The following IL10RB variants were observed in gnomAD, a reference collection of about 807,000 sequenced individuals.
IL10RB encodes interleukin 10 receptor subunit beta.
A neutral mutation model predicts 38.7 loss-of-function variants in IL10RB; 30 were observed. That is an observed-to-expected ratio of 0.78 (90% CI 0.58 to 1.05). The LOEUF is 1.05. Among genes scored for constraint, IL10RB ranks in the 50% least tolerant of loss-of-function variants. The pLI is 0.00. For synonymous variants in IL10RB, 142 were observed against 145.9 expected, an observed-to-expected ratio of 0.97 and a Z score of 0.19; for missense variants, 328 against 397.1, an observed-to-expected ratio of 0.83 and a Z score of 1.48.
At chr21:33,276,802 G>GT (rs1238222757) in intron 3 of IL10RB, 49 bp downstream of exon 3, 29 of 1,550,968 alleles carry the variant, frequency 1.9e-5, no homozygotes, top group Non-Finnish European at 2.4e-5. Flanking sequence ...ATCTTGCCTT[G>GT]TTTTTTTCCA....
chr21:33,268,003 C>G, intron 1 of IL10RB: 1 of 339,446 alleles, frequency 2.9e-6, no homozygotes. Flanking sequence ...GAGCTCCAAT[C>G]GGGGCACCAG....
downstream of IL10RB, among the ~76,000 whole-genome samples, chr21:33,301,332 T>C (rs972929606): frequency 1.3e-5 from 2 of 152,216 alleles, no homozygotes; most frequent in Non-Finnish European, 2.9e-5. Context: ...CACCAAACAA[T>C]GTCTTTGTTT....
intron 1 of IL10RB, chr21:33,308,129 G>A (rs2123617496): frequency 6.6e-6 from 1 of 152,282 alleles, no homozygotes; most frequent in South Asian, 2.1e-4. Flanking sequence ...CAGAAATTAT[G>A]TATACATATA....
chr21:33,266,908 C>A (rs1455699056), intron 1 of IL10RB, among the ~76,000 whole-genome samples: 1 of 152,138 alleles, frequency 6.6e-6, no homozygotes, highest in African/African-American at 2.4e-5. Flanking sequence ...AGGCCCCCAC[C>A]AGTCCCCGAG....
intron 2 of IL10RB, among the ~76,000 whole-genome samples, chr21:33,268,800 T>C (rs1291896708): frequency 6.6e-6 from 1 of 152,206 alleles, no homozygotes; most frequent in East Asian, 1.9e-4. Context: ...TAATCAGCCA[T>C]AGTGGTAACC....
intron 1 of IL10RB, chr21:33,308,587 T>C (rs1422625977): frequency 6.6e-6 from 1 of 152,162 alleles, no homozygotes; most frequent in African/African-American, 2.4e-5. Flanking sequence ...GTAGATACAA[T>C]ATAATCACAT....
At chr21:33,297,768 A>G (rs2082973826), downstream of IL10RB, among the ~76,000 whole-genome samples, 1 of 152,064 alleles carries the variant, frequency 6.6e-6, no homozygotes, top group Non-Finnish European at 1.5e-5. Flanking sequence ...AGCTATGTTC[A>G]TGCCATTGCC....
chr21:33,279,400 A>T (rs1400906591), intron 3 of IL10RB, among the ~76,000 whole-genome samples: 1 of 152,156 alleles, frequency 6.6e-6, no homozygotes, highest in Non-Finnish European at 1.5e-5. Flanking sequence ...AATTCAAGCC[A>T]ACAAAAAGCA....
At chr21:33,289,235 C>A (rs767425066) in intron 6 of IL10RB, among the ~76,000 whole-genome samples, 6 of 152,220 alleles carry the variant, frequency 3.9e-5, no homozygotes, top group African/African-American at 7.2e-5. Context: ...GCACGAGTGC[C>A]TCATTCCTGA....
chr21:33,279,840 C>A lies in IL10RB; in HGVS notation c.420C>A (p.Tyr140Ter). The change falls in exon 4 of 7, where the codon TAC becomes TAA. Residue 140 changes from tyrosine to a stop codon, truncating the protein, a stop_gained. Transcript: ENST00000290200. LOFTEE classifies it high-confidence loss of function. ...TAGCCCCTAAAATTGAGAATGAATACGAAACTTGGACTATGAAGAATGTGT... is the reference window on the plus strand; with the variant it reads ...TAGCCCCTAAAATTGAGAATGAATAAGAAACTTGGACTATGAAGAATGTGT... ...RFLAPKIENE[Y>*]ETWTMKNVYN... is the part of the protein sequence containing the mutation. 1.9e-6 allele frequency: 3 copies of A among 1,612,910 alleles called. No individual in the cohort carries two copies. Among genetic ancestry groups the A allele is most frequent in the African/African-American group, 1.3e-5 (1 of 74,982 alleles).
chr21:33,279,939 T>C, intron 4 of IL10RB, 21 bp downstream of exon 4: 1 of 1,607,200 alleles, frequency 6.2e-7, no homozygotes, highest in Middle Eastern at 1.7e-4. Context: ...CTAATTGCAT[T>C]TCAGAGGTAG....
downstream of IL10RB, among the ~76,000 whole-genome samples, chr21:33,300,302 G>C (rs9976879): frequency 0.39 from 58,445 of 151,694 alleles, 11,382 homozygotes; most frequent in Middle Eastern, 0.48. Flanking sequence ...TTAGCCAGGC[G>C]TGGTGGCAGG....
chr21:33,296,034 ACT>A (rs1225863581), intron 6 of IL10RB, 148 bp from the exon 7 acceptor site: 19 of 425,206 alleles, frequency 4.5e-5, no homozygotes, highest in Non-Finnish European at 7.1e-5. Context: ...ACAGAGCAAG[ACT>A]CTGTCTCAAA....
intron 5 of IL10RB, among the ~76,000 whole-genome samples, chr21:33,287,556 G>A (rs1350586782): frequency 1.3e-5 from 2 of 151,976 alleles, no homozygotes; most frequent in Non-Finnish European, 1.5e-5. Context: ...TTGTAGAGAA[G>A]GGGTCTCACT....
intron 6 of IL10RB, 123 bp downstream of exon 6, chr21:33,288,384 C>A: frequency 3.7e-6 from 2 of 545,166 alleles, no homozygotes; most frequent in Non-Finnish European, 3.3e-6. Flanking sequence ...CGCGCGCGCA[C>A]ACACACACAC....
At chr21:33,275,211 A>G (rs1475435165) in intron 2 of IL10RB, among the ~76,000 whole-genome samples, 1 of 144,208 alleles carries the variant, frequency 6.9e-6, no homozygotes, top group African/African-American at 2.6e-5. Context: ...GCTGGAATAC[A>G]GTGACACAAT....
chr21:33,270,407 G>A (rs550572709), intron 2 of IL10RB, among the ~76,000 whole-genome samples: 2 of 150,860 alleles, frequency 1.3e-5, no homozygotes, highest in South Asian at 4.2e-4. Context: ...TTGAGACGGA[G>A]TCTCGCTCTG....
intron 6 of IL10RB, 112 bp downstream of exon 6, chr21:33,288,373 G>A (rs974322853): frequency 1.1e-4 from 29 of 255,030 alleles, no homozygotes; most frequent in African/African-American, 2.0e-4. Flanking sequence ...AAACACACAC[G>A]CGCGCGCGCA....
intron 4 of IL10RB, among the ~76,000 whole-genome samples, chr21:33,280,252 CCT>C (rs1368465869): frequency 2.0e-5 from 3 of 152,180 alleles, no homozygotes; most frequent in African/African-American, 7.2e-5. Flanking sequence ...GACATCAACC[CCT>C]GTGTCCCACA....
Sources: gnomAD v4.1 joint callset for allele counts (sites outside exome capture counted in the v4.1 genomes callset) on GRCh38, gnomAD v4.1.1 for gene constraint, MANE v1.5 for transcripts, NCBI Gene and HGNC (gene_info 2026-07-23, HGNC 2026-07-21) for gene names.